Variants in ST8SIA6 observed in about 807,000 individuals in gnomAD.
ST8SIA6 encodes the protein ST8 alpha-N-acetyl-neuraminide alpha-2,8-sialyltransferase 6.
In ST8SIA6, 39 loss-of-function variants were observed where a neutral mutation model predicts 33.6. That is an observed-to-expected ratio of 1.16 (90% CI 0.90 to 1.52). The LOEUF is 1.52. ST8SIA6 is among the 40% of genes most tolerant of loss of function. The pLI is 0.00. For missense variants in ST8SIA6, 441 were observed against 443.8 expected, an observed-to-expected ratio of 0.99 and a Z score of 0.06; for synonymous variants, 172 against 167.2, an observed-to-expected ratio of 1.03 and a Z score of -0.22.
intron 4 of ST8SIA6, among the ~76,000 whole-genome samples, chr10:17,337,904 C>T (rs1338064189): frequency 6.6e-6 from 1 of 152,190 alleles, no homozygotes; most frequent in Non-Finnish European, 1.5e-5. Context: ...CAAGGTTTCA[C>T]CTTCCATGGC....
rs563555277 is a variant in ST8SIA6 at position 17,447,081 on chromosome 10, G to C, written c.200+6478C>G. Among the ~76,000 whole-genome samples, 6 of 149,096 alleles carry C rather than the reference G, an allele frequency of 4.0e-5. No individual in the cohort carries two copies. In the East Asian group the frequency reaches 1.2e-3, roughly 30 times the overall value. On this transcript the variant is annotated intron_variant, in intron 2 of 7. Coordinates refer to ENST00000377602, the MANE Select transcript of ST8SIA6 (RefSeq NM_001004470.3). ...ATAATAAAGCTGTGATCAAATAACA[G>C]AATCCATGTATGAAAAATAAGAATT...
chr10:17,411,113 A>G (rs1389358596), intron 2 of ST8SIA6, among the ~76,000 whole-genome samples: 2 of 152,194 alleles, frequency 1.3e-5, no homozygotes, highest in Non-Finnish European at 2.9e-5. Context: ...AATGCAATCA[A>G]TCACATGTCA....
At chr10:17,356,670 G>A (rs1849201554) in intron 4 of ST8SIA6, among the ~76,000 whole-genome samples, 1 of 152,134 alleles carries the variant, frequency 6.6e-6, no homozygotes, top group African/African-American at 2.4e-5. Flanking sequence ...TTGCAGTTAT[G>A]AGCCACTGCA....
chr10:17,443,063 T>A (rs1399202363), intron 2 of ST8SIA6, among the ~76,000 whole-genome samples: 1 of 152,222 alleles, frequency 6.6e-6, no homozygotes, highest in Non-Finnish European at 1.5e-5. Flanking sequence ...ATACCCAAAG[T>A]GAACATGGTG....
Position 17,317,217 on chromosome 10 carries a change from A to G in ST8SIA6, c.*3661T>C, listed in dbSNP as rs1003073556. Among the ~76,000 whole-genome samples the G allele has an allele frequency of 6.6e-6, 1 of 152,194 alleles. No homozygotes were observed. On this transcript the variant is annotated 3_prime_UTR_variant, in exon 8 of 8. Transcript: ENST00000377602. The stretch of plus-strand genomic sequence containing the variant: ...AAAGAGTTTGCCCTGTCTCCATTAC[A>G]TAAGTAGCGCATCTTTATCATATAT...
At chr10:17,388,551 G>A (rs1850466985) in intron 3 of ST8SIA6, among the ~76,000 whole-genome samples, 1 of 152,150 alleles carries the variant, frequency 6.6e-6, no homozygotes, top group African/African-American at 2.4e-5. Flanking sequence ...GGAAGAGAAA[G>A]TGAAAAACAT....
intron 2 of ST8SIA6, among the ~76,000 whole-genome samples, chr10:17,400,442 G>T (rs1466852990): frequency 6.6e-6 from 1 of 152,276 alleles, no homozygotes; most frequent in East Asian, 1.9e-4. Flanking sequence ...TGAGGCAGGA[G>T]AATTGCTTGA....
At chr10:17,409,019 G>A (rs548867176) in intron 2 of ST8SIA6, among the ~76,000 whole-genome samples, 2 of 151,862 alleles carry the variant, frequency 1.3e-5, no homozygotes, top group East Asian at 3.9e-4. Flanking sequence ...CCAACCTCAG[G>A]TGATCTGCCT....
chr10:17,442,871 C>T (rs1427404095), intron 2 of ST8SIA6, among the ~76,000 whole-genome samples: 1 of 152,132 alleles, frequency 6.6e-6, no homozygotes, highest in Non-Finnish European at 1.5e-5. Flanking sequence ...TGTAATACAA[C>T]ATGGTAAAGT....
intron 4 of ST8SIA6, among the ~76,000 whole-genome samples, chr10:17,346,817 T>C (rs1848853775): frequency 6.6e-6 from 1 of 152,206 alleles, no homozygotes; most frequent in African/African-American, 2.4e-5. Flanking sequence ...ATCTATCTTA[T>C]ATCTGTATTA....
intron 2 of ST8SIA6, among the ~76,000 whole-genome samples, chr10:17,399,628 T>TA (rs1447016217): frequency 6.6e-6 from 1 of 152,064 alleles, no homozygotes; most frequent in Non-Finnish European, 1.5e-5. Flanking sequence ...TTCAACAATG[T>TA]AAAATCAGCC....
chr10:17,431,279 A>G (rs941508166), intron 2 of ST8SIA6, among the ~76,000 whole-genome samples: 2 of 152,204 alleles, frequency 1.3e-5, no homozygotes, highest in African/African-American at 4.8e-5. Flanking sequence ...GATGGAGGGT[A>G]AGGGAAAGAA....
At chr10:17,421,890 A>T (rs1851790094) in intron 2 of ST8SIA6, among the ~76,000 whole-genome samples, 1 of 152,150 alleles carries the variant, frequency 6.6e-6, no homozygotes, top group African/African-American at 2.4e-5. Flanking sequence ...CCTTTTGATG[A>T]CGATATTTTC....
At chr10:17,406,043 C>G (rs1851246631) in intron 2 of ST8SIA6, among the ~76,000 whole-genome samples, 1 of 152,122 alleles carries the variant, frequency 6.6e-6, no homozygotes, top group African/African-American at 2.4e-5. Flanking sequence ...AGTGGAGACC[C>G]TGCTTAATAA....
chr10:17,322,425 T>C (rs747398173), intron 7 of ST8SIA6, among the ~76,000 whole-genome samples: 4 of 152,140 alleles, frequency 2.6e-5, no homozygotes, highest in African/African-American at 4.8e-5. Context: ...GTAAGTATAA[T>C]CGTGAGTGTT....
chr10:17,404,927 A>G (rs1462671104), intron 2 of ST8SIA6, among the ~76,000 whole-genome samples: 1 of 152,224 alleles, frequency 6.6e-6, no homozygotes, highest in Non-Finnish European at 1.5e-5. Flanking sequence ...ATAACAGTAC[A>G]AAATAATTCT....
At chr10:17,421,434 A>T (rs891584930) in intron 2 of ST8SIA6, among the ~76,000 whole-genome samples, 15 of 152,230 alleles carry the variant, frequency 9.9e-5, no homozygotes, top group African/African-American at 3.6e-4. Context: ...ATTGTATAGT[A>T]TGTAGTTTAA....
intron 2 of ST8SIA6, among the ~76,000 whole-genome samples, chr10:17,418,993 C>CA (rs910044275): frequency 0.059 from 3,305 of 55,838 alleles, 191 homozygotes; most frequent in African/African-American, 0.073. Flanking sequence ...GGCTCCATCT[C>CA]AAAAAAAAAA....
chr10:17,431,768 A>T (rs1306142864), intron 2 of ST8SIA6, among the ~76,000 whole-genome samples: 1 of 152,066 alleles, frequency 6.6e-6, no homozygotes, highest in Non-Finnish European at 1.5e-5. Flanking sequence ...TTTGCCCAAC[A>T]AATAGTCAGT....
Sources: gnomAD v4.1 joint callset for allele counts (sites outside exome capture counted in the v4.1 genomes callset) on GRCh38, gnomAD v4.1.1 for gene constraint, MANE v1.5 for transcripts, NCBI Gene and HGNC (gene_info 2026-07-23, HGNC 2026-07-21) for gene names.